The following CRISP1 variants were observed in gnomAD, a reference collection of about 807,000 sequenced individuals.
CRISP1 encodes cysteine rich secretory protein 1, also known as cysteine-rich secretory protein 1.
In CRISP1, 44 loss-of-function variants were observed where a neutral mutation model predicts 33.1. The ratio of observed to expected loss-of-function variants is 1.33; its 90% CI spans 1.05 to 1.71. The LOEUF is 1.71. Among genes scored for constraint, CRISP1 ranks in the 40% most tolerant of loss-of-function variants. The pLI, the probability that CRISP1 is intolerant of heterozygous loss-of-function variation, is 0.00. For missense variants in CRISP1, 390 were observed against 301.2 expected, an observed-to-expected ratio of 1.29 and a Z score of -2.18; for synonymous variants, 103 against 98.7, an observed-to-expected ratio of 1.04 and a Z score of -0.26.
In CRISP1 at chr6:49,852,078, C is replaced by T. The variant is rs370025572; in HGVS notation, c.118G>A (p.Val40Ile). 14 of 1,613,302 alleles carry T rather than the reference C, an allele frequency of 8.7e-6. No individual in the cohort carries two copies. The highest frequency in any genetic ancestry group is 4.5e-5 in the East Asian group (2 of 44,856). The change falls in exon 3 of 8, where the codon GTA (valine) becomes ATA (isoleucine). Residue 40 changes from valine (V) to isoleucine (I), a missense_variant. By Grantham distance (29) the Val-to-Ile change is conservative (BLOSUM62 3). Coordinates refer to ENST00000335847, the MANE Select transcript of CRISP1 (RefSeq NM_001131.3). ...TGTATATTAACGATCTCTTCTTGTA[C>T]ATTTGGCAAGTCGGTGACGAGCTTA... ...FNKLVTDLPNVQEEIVNIHNA... is the reference protein window; with the variant it reads ...FNKLVTDLPNIQEEIVNIHNA...
At chr6:49,862,494 TATAAG>T (rs1771680651) in intron 1 of CRISP1, among the ~76,000 whole-genome samples, 1 of 152,272 alleles carries the variant, frequency 6.6e-6, no homozygotes, top group African/African-American at 2.4e-5. Flanking sequence ...TGTTTTATGA[TATAAG>T]ATATTTGATA....
At position 49,841,062 on chromosome 6, in the gene CRISP1, T is replaced by G. The variant is rs1040762991; in HGVS notation, c.436-67A>C. 7 of 1,301,532 alleles carry G rather than the reference T, an allele frequency of 5.4e-6. No individual in the cohort carries two copies. The Admixed American group carries it at 8.8e-5, about 16-fold the overall frequency. 80.6% of individuals were successfully genotyped at this position (1,301,532 alleles called of 1,614,324 possible). On this transcript the variant is annotated intron_variant, in intron 5 of 7. Transcript: ENST00000335847. Reference sequence around the variant, plus strand: ...TACTAAATGACTATAATATCCATATTGTCATCCATGATTAAAAGTAAACAT... The same window carrying G: ...TACTAAATGACTATAATATCCATATGGTCATCCATGATTAAAAGTAAACAT...
intron 1 of CRISP1, among the ~76,000 whole-genome samples, chr6:49,876,535 G>T (rs1772039155): frequency 6.6e-6 from 1 of 151,910 alleles, no homozygotes; most frequent in African/African-American, 2.4e-5. Flanking sequence ...TCATTACTGG[G>T]TATACACTCA....
At chr6:49,864,384 C>CTGTGTGTGTGTGTGTGTGTG (rs3997164) in intron 1 of CRISP1, among the ~76,000 whole-genome samples, 2 of 142,268 alleles carry the variant, frequency 1.4e-5, no homozygotes, top group Non-Finnish European at 3.1e-5. Context: ...TTGCTATTCA[C>CTGTGTGTGTGTGTGTGTGTG]TGTGTGTGTG....
intron 1 of CRISP1, among the ~76,000 whole-genome samples, chr6:49,859,408 A>T (rs1481776433): frequency 6.6e-6 from 1 of 152,040 alleles, no homozygotes; most frequent in Non-Finnish European, 1.5e-5. Context: ...AAGAAAAAAA[A>T]AAAAAAGAAA....
Position 49,848,312 on chromosome 6 carries a change from GAAA to G in CRISP1, c.196-16_196-14del. The stretch of plus-strand genomic sequence containing the variant: ...CTTCACTCCAACTCTGTAGTGGAAA[GAAA>G]AAAAAAGCACATGTTCCAATTAATA... On this transcript the variant is annotated splice_polypyrimidine_tract_variant and intron_variant, in intron 3 of 7. Transcript: ENST00000335847. 2 of 1,445,934 alleles carry G rather than the reference GAAA, an allele frequency of 1.4e-6. No individual in the cohort carries two copies. The highest frequency in any genetic ancestry group is 1.9e-6 in the Non-Finnish European group (2 of 1,061,964). The allele number at this position is 1,445,934 out of a possible 1,614,324, so 89.6% of individuals were successfully genotyped here.
At chr6:49,865,277 A>G (rs1159389732) in intron 1 of CRISP1, among the ~76,000 whole-genome samples, 2 of 152,158 alleles carry the variant, frequency 1.3e-5, no homozygotes, top group African/African-American at 4.8e-5. Context: ...GATGAGGTCA[A>G]TGGAATATCT....
chr6:49,835,580 C>T, intron 7 of CRISP1, 137 bp from the exon 8 acceptor site: 4 of 803,412 alleles, frequency 5.0e-6, no homozygotes, highest in Non-Finnish European at 7.5e-6. Context: ...CATAAGCTAA[C>T]TAAATCTGAA....
intron 2 of CRISP1, 48 bp downstream of exon 2, chr6:49,857,287 C>A: frequency 6.4e-7 from 1 of 1,566,424 alleles, no homozygotes; most frequent in Non-Finnish European, 8.8e-7. Flanking sequence ...AGTGTTAGCT[C>A]TTATCTTTAT....
At position 49,835,175 on chromosome 6, in the gene CRISP1, T is replaced by C. The variant is rs974728166; in HGVS notation, c.*141A>G. 3 of 824,232 alleles carry C rather than the reference T, an allele frequency of 3.6e-6. No homozygotes were observed. In the African/African-American group the frequency reaches 5.2e-5, roughly 14 times the overall value. The allele number at this position is 824,232 out of a possible 1,614,324, so 51.1% of individuals were successfully genotyped here. ...TAAAACAGTGTTACTTCAGGATGTATCAGGATGGGAGTTAAGGTCTCCAGC... is the reference window on the plus strand; with the variant it reads ...TAAAACAGTGTTACTTCAGGATGTACCAGGATGGGAGTTAAGGTCTCCAGC... On this transcript the variant is annotated 3_prime_UTR_variant, in exon 8 of 8. Coordinates refer to ENST00000335847, the MANE Select transcript of CRISP1 (RefSeq NM_001131.3).
intron 6 of CRISP1, among the ~76,000 whole-genome samples, chr6:49,839,258 C>G (rs1404045910): frequency 3.3e-5 from 1 of 30,170 alleles, no homozygotes; most frequent in African/African-American, 1.3e-4. Flanking sequence ...AAAAAAAAAG[C>G]ATCTTCATAT....
intron 1 of CRISP1, among the ~76,000 whole-genome samples, chr6:49,862,558 G>T (rs1271391830): frequency 6.6e-6 from 1 of 152,018 alleles, no homozygotes; most frequent in African/African-American, 2.4e-5. Context: ...TTCTGTGCAA[G>T]TATTAAAAGC....
At chr6:49,860,086 G>A (rs1301563819) in intron 1 of CRISP1, among the ~76,000 whole-genome samples, 1 of 152,022 alleles carries the variant, frequency 6.6e-6, no homozygotes, top group Admixed American at 6.6e-5. Flanking sequence ...AATTCTAAAT[G>A]TATGCACCCA....
intron 7 of CRISP1, among the ~76,000 whole-genome samples, chr6:49,836,889 T>A (rs1770815179): frequency 6.6e-6 from 1 of 152,118 alleles, no homozygotes; most frequent in African/African-American, 2.4e-5. Flanking sequence ...TTTGCCAAAG[T>A]CATTACTCAT....
chr6:49,835,565 A>G, intron 7 of CRISP1, 122 bp from the exon 8 acceptor site: 10 of 917,092 alleles, frequency 1.1e-5, no homozygotes, highest in South Asian at 1.8e-5. Flanking sequence ...ACTAAATTTA[A>G]TTAGCATAAG....
chr6:49,876,699 T>C (rs868232041), intron 1 of CRISP1, among the ~76,000 whole-genome samples: 4 of 152,094 alleles, frequency 2.6e-5, no homozygotes, highest in Middle Eastern at 3.4e-3. Flanking sequence ...GAACACTATG[T>C]AGCCATAAAG....
chr6:49,848,158 CTAT>C, intron 4 of CRISP1, 48 bp downstream of exon 4: 2 of 940,488 alleles, frequency 2.1e-6, no homozygotes, highest in Non-Finnish European at 3.2e-6. Context: ...CCCTGTTTTA[CTAT>C]TTTTTTTTTT....
intron 2 of CRISP1, among the ~76,000 whole-genome samples, chr6:49,854,134 TCACCCAGTCTGTCA>T (rs1477035983): frequency 1.3e-5 from 2 of 152,134 alleles, no homozygotes; most frequent in African/African-American, 4.8e-5. Context: ...TTCAACTGTC[TCACCCAGTCTGTCA>T]ATCTACCTGT....
At chr6:49,838,158 C>G (rs1456155662) in intron 7 of CRISP1, among the ~76,000 whole-genome samples, 1 of 152,116 alleles carries the variant, frequency 6.6e-6, no homozygotes, top group Non-Finnish European at 1.5e-5. Context: ...TCTACACTTA[C>G]CTCAATATTT....
Sources: gnomAD v4.1 joint callset for allele counts (sites outside exome capture counted in the v4.1 genomes callset) on GRCh38, gnomAD v4.1.1 for gene constraint, MANE v1.5 for transcripts, NCBI Gene and HGNC (gene_info 2026-07-23, HGNC 2026-07-21) for gene names.